The following GALNT13 variants were observed in gnomAD, a reference collection of about 807,000 sequenced individuals.
The protein encoded by GALNT13 is polypeptide N-acetylgalactosaminyltransferase 13, also known as UDP-GalNAc:polypeptide N-acetylgalactosaminyltransferase 13.
GALNT13 carries 28 observed loss-of-function variants against 64.2 expected under a neutral mutation model. The ratio of observed to expected loss-of-function variants is 0.44; its 90% CI spans 0.32 to 0.60. The LOEUF is 0.60. GALNT13 is among the 20% of genes least tolerant of loss of function. The probability of loss-of-function intolerance (pLI) is 0.05; values close to 1 mark genes in which losing one functional copy is unlikely to be tolerated. For synonymous variants in GALNT13, 214 were observed against 224.6 expected, an observed-to-expected ratio of 0.95 and a Z score of 0.42; for missense variants, 577 against 669.8, an observed-to-expected ratio of 0.86 and a Z score of 1.53.
chr2:154,109,177 T>C (rs1702791805), intron 3 of GALNT13, among the ~76,000 whole-genome samples: 1 of 152,126 alleles, frequency 6.6e-6, no homozygotes, highest in African/African-American at 2.4e-5. Flanking sequence ...GAACATGGAA[T>C]ATGTTTTCAT....
intron 12 of GALNT13, 100 bp from the exon 13 acceptor site, chr2:154,450,311 T>C (rs1701821407): frequency 7.5e-6 from 8 of 1,063,138 alleles, no homozygotes; most frequent in Non-Finnish European, 1.1e-5. Context: ...TATTATACTA[T>C]AAAAATCATA....
At chr2:154,155,599 C>T (rs557116462) in intron 4 of GALNT13, among the ~76,000 whole-genome samples, 2 of 152,070 alleles carry the variant, frequency 1.3e-5, no homozygotes, top group South Asian at 4.1e-4. Context: ...AATAGCTTAA[C>T]TCATGATAGT....
chr2:153,527,733 C>T, the GALNT13 span, among the ~76,000 whole-genome samples: 3 of 152,044 alleles, frequency 2.0e-5, no homozygotes, highest in Admixed American at 1.3e-4. Flanking sequence ...CAGACATGGA[C>T]AGTATCATAA....
At chr2:153,278,563 T>C in the GALNT13 span, among the ~76,000 whole-genome samples, 1 of 152,100 alleles carries the variant, frequency 6.6e-6, no homozygotes, top group Non-Finnish European at 1.5e-5. Flanking sequence ...AGTTTTATTC[T>C]TCTGCTTGTG....
intron 3 of GALNT13, among the ~76,000 whole-genome samples, chr2:154,003,724 G>A (rs772670411): frequency 6.6e-6 from 1 of 152,110 alleles, no homozygotes; most frequent in Non-Finnish European, 1.5e-5. Flanking sequence ...GGTTTCTCAT[G>A]AATGGTTTAG....
At chr2:154,314,777 C>A (rs552384145) in intron 9 of GALNT13, among the ~76,000 whole-genome samples, 1 of 152,168 alleles carries the variant, frequency 6.6e-6, no homozygotes, top group Non-Finnish European at 1.5e-5. Context: ...GAGGGACATA[C>A]CTTCCTTCAC....
At chr2:153,623,142 A>G in the GALNT13 span, among the ~76,000 whole-genome samples, 1 of 152,212 alleles carries the variant, frequency 6.6e-6, no homozygotes, top group East Asian at 1.9e-4. Flanking sequence ...TTCCTGCTGT[A>G]GAAATGCTAT....
the GALNT13 span, among the ~76,000 whole-genome samples, chr2:153,217,252 CT>C: frequency 6.6e-6 from 1 of 151,892 alleles, no homozygotes; most frequent in Non-Finnish European, 1.5e-5. Context: ...CATTCTTCAT[CT>C]TTTTCCAAGT....
chr2:153,796,903 T>C, the GALNT13 span, among the ~76,000 whole-genome samples: 1 of 152,332 alleles, frequency 6.6e-6, no homozygotes, highest in South Asian at 2.1e-4. Context: ...TAAATGTAAA[T>C]CATTAATGGG....
At chr2:153,672,041 G>A in the GALNT13 span, among the ~76,000 whole-genome samples, 1 of 152,176 alleles carries the variant, frequency 6.6e-6, no homozygotes, top group Non-Finnish European at 1.5e-5. Flanking sequence ...GGAGCACCCA[G>A]ATTCATAAAG....
the GALNT13 span, among the ~76,000 whole-genome samples, chr2:153,464,107 C>T: frequency 6.6e-6 from 1 of 152,028 alleles, no homozygotes; most frequent in African/African-American, 2.4e-5. Flanking sequence ...CAATCAGATC[C>T]CATTAGCTGG....
chr2:154,386,575 C>A (rs1262273173), intron 9 of GALNT13, among the ~76,000 whole-genome samples: 1 of 151,912 alleles, frequency 6.6e-6, no homozygotes, highest in Non-Finnish European at 1.5e-5. Context: ...ACAATTGGAC[C>A]AGTTTCAAAT....
the GALNT13 span, among the ~76,000 whole-genome samples, chr2:153,711,372 G>T: frequency 6.6e-6 from 1 of 152,050 alleles, no homozygotes; most frequent in East Asian, 1.9e-4. Context: ...TTCTCTAGGA[G>T]ATAATTATAA....
the GALNT13 span, among the ~76,000 whole-genome samples, chr2:153,190,792 T>A: frequency 6.6e-6 from 1 of 152,086 alleles, no homozygotes; most frequent in African/African-American, 2.4e-5. Context: ...GTCTTTCACA[T>A]CTTTGGTTAA....
At chr2:153,205,816 G>A in the GALNT13 span, among the ~76,000 whole-genome samples, 1 of 151,858 alleles carries the variant, frequency 6.6e-6, no homozygotes, top group Non-Finnish European at 1.5e-5. Context: ...GTGCAAAACT[G>A]GCTTTGTTTC....
the GALNT13 span, among the ~76,000 whole-genome samples, chr2:153,679,985 T>C: frequency 6.6e-6 from 1 of 151,892 alleles, no homozygotes; most frequent in Non-Finnish European, 1.5e-5. Flanking sequence ...TAACATAGTT[T>C]TATCTTCAGT....
the GALNT13 span, among the ~76,000 whole-genome samples, chr2:153,400,986 C>G: frequency 6.6e-6 from 1 of 151,016 alleles, no homozygotes; most frequent in Admixed American, 6.6e-5. Context: ...TGTGTTTGCT[C>G]TTGGTTTTCT....
the GALNT13 span, among the ~76,000 whole-genome samples, chr2:153,437,554 T>G: frequency 6.6e-6 from 1 of 152,240 alleles, no homozygotes; most frequent in African/African-American, 2.4e-5. Context: ...CTCTTCTTGT[T>G]GAATTGATCC....
chr2:153,560,666 A>G, the GALNT13 span, among the ~76,000 whole-genome samples: 21 of 152,112 alleles, frequency 1.4e-4, no homozygotes, highest in South Asian at 3.7e-3. Flanking sequence ...TTGATATTCT[A>G]CTTATTTTTA....
Sources: allele counts gnomAD v4.1 joint callset (sites outside exome capture counted in the v4.1 genomes callset), GRCh38; gene constraint gnomAD v4.1.1; transcripts MANE v1.5; gene names NCBI Gene and HGNC (gene_info 2026-07-23, HGNC 2026-07-21).